The following PREX2 variants were observed in gnomAD, a reference collection of about 807,000 sequenced individuals.
The protein encoded by PREX2 is phosphatidylinositol 3,4,5-trisphosphate-dependent Rac exchanger 2 protein.
A neutral mutation model predicts 203.2 loss-of-function variants in PREX2; 107 were observed. The ratio of observed to expected loss-of-function variants is 0.53; its 90% CI spans 0.45 to 0.62. The LOEUF is 0.62. Among genes scored for constraint, PREX2 ranks in the 20% least tolerant of loss-of-function variants. The pLI is 0.00. For missense variants in PREX2, 1,777 were observed against 1,955.9 expected (o/e 0.91, Z 1.72); for synonymous variants, 672 against 663.6 (o/e 1.01, Z -0.19).
intron 11 of PREX2, among the ~76,000 whole-genome samples, chr8:68,068,635 G>T (rs1487274730): frequency 1.3e-5 from 2 of 152,010 alleles, no homozygotes; most frequent in Non-Finnish European, 2.9e-5. Context: ...TTGAGTATCT[G>T]CTCTTTGAGG....
intron 37 of PREX2, among the ~76,000 whole-genome samples, chr8:68,193,735 T>A (rs1437627330): frequency 6.6e-6 from 1 of 152,150 alleles, no homozygotes; most frequent in Non-Finnish European, 1.5e-5. Flanking sequence ...GATGGTTAGA[T>A]ATGGGAACTC....
intron 1 of PREX2, among the ~76,000 whole-genome samples, chr8:67,960,602 A>G (rs1805608851): frequency 6.6e-6 from 1 of 152,206 alleles, no homozygotes; most frequent in South Asian, 2.1e-4. Flanking sequence ...GCTTTCCTCC[A>G]GAAGGAACTT....
intron 6 of PREX2, among the ~76,000 whole-genome samples, chr8:68,032,705 T>TA (rs1325951338): frequency 6.6e-6 from 1 of 152,160 alleles, no homozygotes; most frequent in Non-Finnish European, 1.5e-5. Context: ...TGTAATGAGT[T>TA]AAAGAGCTGT....
chr8:68,072,922 G>A (rs933028827), intron 14 of PREX2, among the ~76,000 whole-genome samples: 1 of 151,966 alleles, frequency 6.6e-6, no homozygotes, highest in African/African-American at 2.4e-5. Flanking sequence ...ATTAATGCTA[G>A]CAAGTTATTC....
chr8:68,146,656 A>G (rs1811332340), intron 34 of PREX2, among the ~76,000 whole-genome samples: 1 of 152,162 alleles, frequency 6.6e-6, no homozygotes, highest in Admixed American at 6.5e-5. Flanking sequence ...TTACAGTTTC[A>G]TGGTTAAAAT....
In PREX2 at chr8:68,233,059, A is replaced by G. The variant is rs897826262; in HGVS notation, c.*1681A>G. ...TATGTGTATACTACTAGGTAAGGTA[A>G]TAATAATTGTTATTTGGCACAGAAG... On this transcript the variant is annotated 3_prime_UTR_variant, in exon 40 of 40. Coordinates refer to ENST00000288368, the MANE Select transcript of PREX2 (RefSeq NM_024870.4). 2.0e-5 allele frequency: 3 copies of G among 152,256 alleles called. No individual in the cohort carries two copies. The highest frequency in any genetic ancestry group is 6.5e-5 in the Admixed American group (1 of 15,288). The allele number at this position is 152,256 out of a possible 1,614,324, so 9.4% of individuals were successfully genotyped here. A position where few individuals can be genotyped will look rare whatever the true frequency, so the allele number is the denominator to read the frequency against.
chr8:68,047,583 T>C (rs1808406525), intron 8 of PREX2, among the ~76,000 whole-genome samples: 1 of 149,416 alleles, frequency 6.7e-6, no homozygotes, highest in Non-Finnish European at 1.5e-5. Flanking sequence ...GATGGGGTGG[T>C]GGTGAGGAGT....
chr8:68,055,975 G>T lies in PREX2; in HGVS notation c.1238+1G>T, dbSNP rs1272428567. 1 of 1,609,362 alleles carries T rather than the reference G, an allele frequency of 6.2e-7. No individual in the cohort carries two copies. Among genetic ancestry groups the T allele is most frequent in the Non-Finnish European group, 8.5e-7 (1 of 1,178,608 alleles). ...CGTTCCCTAAATGCTTTCTTGGAAG[G>T]TAGGGTTGGGAGTTTGGGTGCATGA... On this transcript the variant is annotated splice_donor_variant, in intron 10 of 39. Transcript: ENST00000288368. LOFTEE classifies it high-confidence loss of function.
At chr8:67,963,917 A>G (rs1283640565) in intron 1 of PREX2, among the ~76,000 whole-genome samples, 2 of 152,182 alleles carry the variant, frequency 1.3e-5, no homozygotes, top group African/African-American at 4.8e-5. Flanking sequence ...CAGTGGGGTT[A>G]GCCGCTCAGC....
intron 11 of PREX2, among the ~76,000 whole-genome samples, chr8:68,067,258 A>C (rs1809044127): frequency 6.6e-6 from 1 of 152,102 alleles, no homozygotes; most frequent in Non-Finnish European, 1.5e-5. Context: ...TCTGTGAAAA[A>C]TGCCTTTGGA....
chr8:68,128,414 C>A (rs1449928111), intron 31 of PREX2, among the ~76,000 whole-genome samples: 3 of 151,050 alleles, frequency 2.0e-5, no homozygotes, highest in Non-Finnish European at 4.4e-5. Flanking sequence ...ATGACCATTT[C>A]TTATTGCTTA....
intron 37 of PREX2, among the ~76,000 whole-genome samples, chr8:68,212,124 T>C (rs1812752670): frequency 6.6e-6 from 1 of 152,160 alleles, no homozygotes; most frequent in African/African-American, 2.4e-5. Flanking sequence ...TCCTTCTCCC[T>C]GTGTGCACCA....
chr8:67,954,025 CAG>C (rs1477490530), intron 1 of PREX2, among the ~76,000 whole-genome samples: 2 of 152,176 alleles, frequency 1.3e-5, no homozygotes, highest in African/African-American at 4.8e-5. Flanking sequence ...TGCTAATTTG[CAG>C]AGACAGTTAA....
chr8:68,155,317 G>T (rs1439534944), intron 34 of PREX2, among the ~76,000 whole-genome samples: 1 of 152,054 alleles, frequency 6.6e-6, no homozygotes, highest in African/African-American at 2.4e-5. Context: ...TTCATTTTCT[G>T]TACTGAAGTA....
chr8:67,983,660 A>G (rs1806332939), intron 1 of PREX2, among the ~76,000 whole-genome samples: 1 of 152,250 alleles, frequency 6.6e-6, no homozygotes, highest in East Asian at 1.9e-4. Context: ...GCCAGACTTC[A>G]TGAAATTTTT....
chr8:68,082,992 T>G, intron 17 of PREX2: 3 of 350,858 alleles, frequency 8.6e-6, no homozygotes, highest in Non-Finnish European at 1.6e-5. Flanking sequence ...GGGAGTAGGA[T>G]GTTAAGTCAG....
chr8:68,135,975 A>C (rs1239016574), intron 32 of PREX2, among the ~76,000 whole-genome samples: 1 of 152,212 alleles, frequency 6.6e-6, no homozygotes, highest in Non-Finnish European at 1.5e-5. Context: ...AGCCAGTCAC[A>C]AAAGACCTCA....
chr8:68,114,757 C>T (rs1354859910), intron 25 of PREX2, among the ~76,000 whole-genome samples: 1 of 152,110 alleles, frequency 6.6e-6, no homozygotes, highest in Non-Finnish European at 1.5e-5. Flanking sequence ...GTATGTAACT[C>T]TGTTTAGTGT....
chr8:68,217,680 C>A lies in PREX2; in HGVS notation c.4669C>A (p.Arg1557Ser). 6.2e-7 allele frequency: 1 copy of A among 1,614,096 alleles called. No individual in the cohort carries two copies. Residue 1557 changes from arginine to serine, a missense_variant, in exon 38 of 40, where the codon CGT becomes AGT. By Grantham distance (110) the Arg-to-Ser change is moderately radical. Transcript: ENST00000288368. ...GGCCAGAAGCCACGGACTGCCACCT[C>A]GTTACATCATGCAGGCTACAGATGT... ...ILARSHGLPP[R>S]YIMQATDVMR...
Sources: allele counts gnomAD v4.1 joint callset (sites outside exome capture counted in the v4.1 genomes callset), GRCh38; gene constraint gnomAD v4.1.1; transcripts MANE v1.5; gene names NCBI Gene and HGNC (gene_info 2026-07-23, HGNC 2026-07-21).